Variants in GRID2 observed in about 807,000 individuals in gnomAD.
GRID2 encodes the protein glutamate ionotropic receptor delta type subunit 2.
A neutral mutation model predicts 114.8 loss-of-function variants in GRID2; 33 were observed. That is an observed-to-expected ratio of 0.29 (90% CI 0.22 to 0.38). The LOEUF is 0.38. GRID2 is among the 10% of genes least tolerant of loss of function. The probability of loss-of-function intolerance (pLI) is 1.00; values close to 1 mark genes in which losing one functional copy is unlikely to be tolerated. For missense variants in GRID2, 1,184 were observed against 1,257.7 expected (o/e 0.94, Z 0.89); for synonymous variants, 505 against 449.9 (o/e 1.12, Z -1.55).
intron 2 of GRID2, among the ~76,000 whole-genome samples, chr4:93,082,052 G>A (rs111329155): frequency 6.6e-6 from 1 of 152,152 alleles, no homozygotes; most frequent in African/African-American, 2.4e-5. Flanking sequence ...CCGACATTTT[G>A]TTTTGGTAAA....
chr4:93,002,517 A>G (rs558063354), intron 2 of GRID2, among the ~76,000 whole-genome samples: 20 of 151,818 alleles, frequency 1.3e-4, no homozygotes, highest in Non-Finnish European at 2.4e-4. Flanking sequence ...TCTCGGTGTC[A>G]TACATTCCTG....
chr4:93,462,700 G>A (rs926093388), intron 11 of GRID2, among the ~76,000 whole-genome samples: 1 of 151,952 alleles, frequency 6.6e-6, no homozygotes. Flanking sequence ...TTGCACAGAA[G>A]GATAACTCAA....
intron 1 of GRID2, among the ~76,000 whole-genome samples, chr4:92,537,785 GTGTGTGT>G (rs762441613): frequency 7.0e-5 from 4 of 57,524 alleles, no homozygotes; most frequent in African/African-American, 4.7e-4. Flanking sequence ...AAAACTTGCG[GTGTGTGT>G]GTGTGTGTGT....
intron 2 of GRID2, among the ~76,000 whole-genome samples, chr4:92,992,126 A>G (rs956244345): frequency 2.6e-5 from 4 of 152,106 alleles, no homozygotes; most frequent in Admixed American, 2.0e-4. Flanking sequence ...AGTTTAAAGA[A>G]CTGGGTTGCC....
At chr4:93,546,806 T>G (rs1733261314) in intron 13 of GRID2, among the ~76,000 whole-genome samples, 1 of 152,166 alleles carries the variant, frequency 6.6e-6, no homozygotes, top group South Asian at 2.1e-4. Context: ...TCTAATTTTT[T>G]TTTATATTCT....
chr4:92,629,790 T>C (rs542316543), intron 2 of GRID2, among the ~76,000 whole-genome samples: 1,550 of 148,392 alleles, frequency 0.01, 14 homozygotes, highest in Non-Finnish European at 0.017. Flanking sequence ...TTTTTTTTTT[T>C]CTTGTTCTTT....
chr4:93,503,871 T>C (rs1038777307), intron 12 of GRID2, among the ~76,000 whole-genome samples: 1 of 152,092 alleles, frequency 6.6e-6, no homozygotes, highest in Non-Finnish European at 1.5e-5. Flanking sequence ...ACAGACCTAC[T>C]GGACTGAGAA....
intron 8 of GRID2, among the ~76,000 whole-genome samples, chr4:93,260,105 C>T (rs1036290682): frequency 1.3e-5 from 2 of 151,622 alleles, no homozygotes; most frequent in African/African-American, 4.8e-5. Flanking sequence ...ACATATAATG[C>T]ATGCTTATTT....
chr4:93,699,760 T>C (rs949285278), intron 14 of GRID2, among the ~76,000 whole-genome samples: 6 of 152,128 alleles, frequency 3.9e-5, no homozygotes, highest in Non-Finnish European at 7.4e-5. Flanking sequence ...TTTACTCAGA[T>C]TTTTCTCTTT....
chr4:92,834,654 C>T (rs1742331851), intron 2 of GRID2, among the ~76,000 whole-genome samples: 3 of 152,132 alleles, frequency 2.0e-5, no homozygotes, highest in Admixed American at 2.0e-4. Context: ...AAATGGTTTT[C>T]AATAACTAAA....
intron 14 of GRID2, among the ~76,000 whole-genome samples, chr4:93,707,339 T>C (rs1169642282): frequency 6.6e-6 from 1 of 152,136 alleles, no homozygotes; most frequent in African/African-American, 2.4e-5. Flanking sequence ...TTCTAGGCTT[T>C]TCTTTGCTGG....
intron 14 of GRID2, among the ~76,000 whole-genome samples, chr4:93,697,042 A>G (rs756637734): frequency 4.6e-5 from 7 of 152,216 alleles, no homozygotes; most frequent in Non-Finnish European, 8.8e-5. Context: ...TACTAAAATT[A>G]TTGTAAAATC....
At chr4:93,402,609 G>A (rs553800929) in intron 9 of GRID2, among the ~76,000 whole-genome samples, 2 of 152,094 alleles carry the variant, frequency 1.3e-5, no homozygotes, top group African/African-American at 4.8e-5. Flanking sequence ...CCCCGTCACT[G>A]TTACCTCAAT....
intron 1 of GRID2, among the ~76,000 whole-genome samples, chr4:92,566,739 T>A (rs1727355640): frequency 6.6e-6 from 1 of 152,048 alleles, no homozygotes; most frequent in Non-Finnish European, 1.5e-5. Context: ...TATGTAACTA[T>A]GAAAACTAGA....
intron 14 of GRID2, among the ~76,000 whole-genome samples, chr4:93,727,533 A>G (rs952465217): frequency 2.0e-5 from 3 of 152,180 alleles, no homozygotes; most frequent in South Asian, 2.1e-4. Context: ...CTCTTTTTCT[A>G]TTGATTGGAA....
chr4:92,975,027 G>C (rs1443362640), intron 2 of GRID2, among the ~76,000 whole-genome samples: 2 of 151,612 alleles, frequency 1.3e-5, no homozygotes, highest in African/African-American at 2.4e-5. Flanking sequence ...CATGGTGGCA[G>C]GTGCCTGCAG....
At chr4:92,924,562 C>T (rs1395567187) in intron 2 of GRID2, among the ~76,000 whole-genome samples, 1 of 152,140 alleles carries the variant, frequency 6.6e-6, no homozygotes, top group African/African-American at 2.4e-5. Context: ...CAAAACACTG[C>T]TGCATGGACA....
chr4:92,704,723 TTCTCTC>T (rs373207037), intron 2 of GRID2, among the ~76,000 whole-genome samples: 6 of 90,048 alleles, frequency 6.7e-5, no homozygotes, highest in Admixed American at 1.2e-4. Flanking sequence ...CTCTCTCTCT[TTCTCTC>T]TCTCTCTCTC....
At chr4:93,398,849 T>A (rs1012599629) in intron 9 of GRID2, among the ~76,000 whole-genome samples, 9 of 150,528 alleles carry the variant, frequency 6.0e-5, no homozygotes, top group Admixed American at 3.3e-4. Flanking sequence ...CAATATACAA[T>A]CATTGTGTTT....
Sources: allele counts gnomAD v4.1 joint callset (sites outside exome capture counted in the v4.1 genomes callset), GRCh38; gene constraint gnomAD v4.1.1; transcripts MANE v1.5; gene names NCBI Gene and HGNC (gene_info 2026-07-23, HGNC 2026-07-21).